The following SHANK2 variants were observed in gnomAD, a reference collection of about 807,000 sequenced individuals.
The protein encoded by SHANK2 is SH3 and multiple ankyrin repeat domains 2, also known as SH3 and multiple ankyrin repeat domains protein 2.
SHANK2 carries 43 observed loss-of-function variants against 133.7 expected under a neutral mutation model. The observed-to-expected ratio is 0.32, with a 90% CI of 0.25 to 0.41. The LOEUF (loss-of-function observed/expected upper bound fraction) is 0.41. Ranked by LOEUF, SHANK2 falls within the 10% of genes least tolerant of loss-of-function variation. The pLI is 1.00. For synonymous variants in SHANK2, 1,017 were observed against 952.8 expected, an observed-to-expected ratio of 1.07 and a Z score of -1.24; for missense variants, 1,994 against 2,235.8, an observed-to-expected ratio of 0.89 and a Z score of 2.18.
rs782504710 is a variant in SHANK2, at chr11:70,487,028, G to C, written c.3265C>G (p.Arg1089Gly). Residue 1089 changes from arginine to glycine, a missense_variant, in exon 25 of 26, where the codon CGT (arginine) becomes GGT (glycine). Transcript: ENST00000601538. The surrounding 1 kb of genome is among the most constrained non-coding windows in gnomAD (Gnocchi z 5.8). ...CTCCTGGCTTCCAGCCGCTTCTCACGGTCGCGGACGGCTCCGGCGATGGCG... is the reference window on the plus strand; with the variant it reads ...CTCCTGGCTTCCAGCCGCTTCTCACCGTCGCGGACGGCTCCGGCGATGGCG... ...AAAIAGAVRD[R>G]EKRLEARRNS... The C allele has an allele frequency of 6.2e-7, 1 of 1,609,324 alleles. No homozygotes were observed. Among genetic ancestry groups the C allele is most frequent in the Non-Finnish European group, 8.5e-7 (1 of 1,179,642 alleles).
Position 71,092,608 on chromosome 11 carries a change from A to C in SHANK2, c.745-19T>G. 1 of 1,549,236 alleles carries C rather than the reference A, an allele frequency of 6.5e-7. No individual in the cohort carries two copies. Among genetic ancestry groups the C allele is most frequent in the Non-Finnish European group, 8.7e-7 (1 of 1,145,122 alleles). ...AAAGGGTCTAGGAAAAAAAAATTGA[A>C]AGCCGTCGTTATTGGTCTCATGACC... On this transcript the variant is annotated intron_variant, in intron 7 of 25. Transcript: ENST00000601538.
intron 10 of SHANK2, among the ~76,000 whole-genome samples, chr11:70,949,283 G>T (rs1416407532): frequency 6.6e-6 from 1 of 152,212 alleles, no homozygotes; most frequent in Non-Finnish European, 1.5e-5. Flanking sequence ...CACAGGCAGC[G>T]GGGGTGAAAG....
intron 11 of SHANK2, among the ~76,000 whole-genome samples, chr11:70,850,870 T>C (rs1019583755): frequency 3.9e-5 from 6 of 152,232 alleles, no homozygotes; most frequent in Non-Finnish European, 7.3e-5. Context: ...ACAATTGTGC[T>C]GCTGGGCTCT....
intron 6 of SHANK2, among the ~76,000 whole-genome samples, chr11:71,105,230 AC>A (rs1370788847): frequency 2.6e-5 from 4 of 152,122 alleles, no homozygotes. Flanking sequence ...CCGATCTGAA[AC>A]CCACTGTGTG....
intron 2 of SHANK2, among the ~76,000 whole-genome samples, chr11:71,182,226 G>C (rs1319494552): frequency 2.6e-5 from 4 of 152,090 alleles, no homozygotes; most frequent in Non-Finnish European, 5.9e-5. Context: ...CTGCTGGGAG[G>C]AGATTGTTTT....
intron 8 of SHANK2, among the ~76,000 whole-genome samples, chr11:71,085,650 T>C (rs1325872702): frequency 3.9e-5 from 1 of 25,348 alleles, no homozygotes; most frequent in Non-Finnish European, 9.5e-5. Context: ...ATATATTATG[T>C]TATATATTAT....
chr11:70,568,872 G>A (rs2060006356), intron 17 of SHANK2, among the ~76,000 whole-genome samples: 1 of 152,136 alleles, frequency 6.6e-6, no homozygotes, highest in African/African-American at 2.4e-5. Flanking sequence ...GAGGACTTGA[G>A]CCCTTGGCAC....
chr11:71,090,874 C>T (rs1181855843), intron 8 of SHANK2, among the ~76,000 whole-genome samples: 1 of 151,988 alleles, frequency 6.6e-6, no homozygotes, highest in East Asian at 1.9e-4. Flanking sequence ...GGCAGAATTC[C>T]TTCTTTCTTG....
chr11:70,594,331 C>T (rs542992162), intron 17 of SHANK2, among the ~76,000 whole-genome samples: 12 of 152,180 alleles, frequency 7.9e-5, no homozygotes, highest in East Asian at 5.8e-4. Flanking sequence ...CTCTGGAGAT[C>T]GGTCCCAGGA....
intron 9 of SHANK2, among the ~76,000 whole-genome samples, chr11:71,068,160 C>T (rs1951092698): frequency 6.6e-6 from 1 of 152,212 alleles, no homozygotes; most frequent in Non-Finnish European, 1.5e-5. Flanking sequence ...TTACCATCAG[C>T]ACTGCCATCA....
intron 17 of SHANK2, among the ~76,000 whole-genome samples, chr11:70,605,164 C>T (rs1189921360): frequency 1.3e-5 from 2 of 151,680 alleles, no homozygotes; most frequent in Non-Finnish European, 2.9e-5. Context: ...ACGTGTCTTT[C>T]TACATAAAAA....
intron 8 of SHANK2, among the ~76,000 whole-genome samples, chr11:71,086,572 G>T (rs1343474289): frequency 6.9e-6 from 1 of 144,058 alleles, no homozygotes; most frequent in South Asian, 2.1e-4. Context: ...TATATCATTA[G>T]ACTTGGAGTT....
intron 9 of SHANK2, among the ~76,000 whole-genome samples, chr11:71,070,216 C>T (rs903260297): frequency 1.3e-5 from 2 of 152,306 alleles, no homozygotes; most frequent in South Asian, 2.1e-4. Context: ...CAGTGAGACA[C>T]TCCAAAGAGT....
intron 2 of SHANK2, among the ~76,000 whole-genome samples, chr11:71,153,153 A>G (rs1349390411): frequency 1.3e-5 from 2 of 152,172 alleles, no homozygotes; most frequent in Admixed American, 6.5e-5. Context: ...GAGGCTCCGC[A>G]GAGAGAATGA....
intron 15 of SHANK2, among the ~76,000 whole-genome samples, chr11:70,673,325 C>T (rs1555016527): frequency 6.6e-6 from 1 of 152,064 alleles, no homozygotes; most frequent in East Asian, 1.9e-4. Flanking sequence ...AACAGTACAA[C>T]TGCCTGGCAT....
chr11:70,789,517 C>G (rs1555047469), intron 14 of SHANK2, among the ~76,000 whole-genome samples: 2 of 152,176 alleles, frequency 1.3e-5, no homozygotes, highest in African/African-American at 4.8e-5. Flanking sequence ...ACCAGGGAGT[C>G]AGCCAGAAGA....
chr11:71,211,192 CTTTTT>C (rs34505384), intron 2 of SHANK2, among the ~76,000 whole-genome samples: 1 of 101,986 alleles, frequency 9.8e-6, no homozygotes, highest in African/African-American at 3.8e-5. Context: ...GGTCAATTTC[CTTTTT>C]TTTTTTTTTT....
chr11:70,686,811 C>T (rs566129349), intron 15 of SHANK2, among the ~76,000 whole-genome samples: 16 of 152,314 alleles, frequency 1.1e-4, no homozygotes, highest in East Asian at 3.9e-4. Flanking sequence ...TGGGCAGAGG[C>T]GGGGATCAGT....
At position 70,470,943 on chromosome 11, in the gene SHANK2, G is replaced by A. The variant is rs2058590999; in HGVS notation, c.*1926C>T. The stretch of plus-strand genomic sequence containing the variant: ...TTTGAAGAAATTGTCCTTCAATGAC[G>A]AAGTTCTAGCAAAGATAGAAAATAT... On this transcript the variant is annotated 3_prime_UTR_variant, in exon 26 of 26. Coordinates refer to ENST00000601538, the MANE Select transcript of SHANK2 (RefSeq NM_012309.5). 2 of 214,886 alleles carry A rather than the reference G, an allele frequency of 9.3e-6. No homozygotes were observed. Among genetic ancestry groups the A allele is most frequent in the East Asian group, 9.1e-5 (1 of 10,954 alleles). 13.3% of individuals were successfully genotyped at this position (214,886 alleles called of 1,614,324 possible).
Sources: gnomAD v4.1 joint callset for allele counts (sites outside exome capture counted in the v4.1 genomes callset) on GRCh38, gnomAD v4.1.1 for gene constraint, Gnocchi (gnomAD v3.1) non-coding constraint, MANE v1.5 for transcripts, NCBI Gene and HGNC (gene_info 2026-07-23, HGNC 2026-07-21) for gene names.